The following SLA variants were observed in gnomAD, a reference collection of about 807,000 sequenced individuals.
SLA encodes the protein src-like-adapter.
In SLA, 16 loss-of-function variants were observed where a neutral mutation model predicts 30.3. The observed-to-expected ratio is 0.53, with a 90% confidence interval of 0.36 to 0.80. The LOEUF is 0.80. SLA is among the 30% of genes least tolerant of loss of function. SLA has a pLI of 0.01. For synonymous variants in SLA, 143 were observed against 137.8 expected, an observed-to-expected ratio of 1.04 and a Z score of -0.26; for missense variants, 310 against 345.2, an observed-to-expected ratio of 0.90 and a Z score of 0.81.
rs1028071498 is a variant in SLA, at chr8:133,084,333, T to C, written c.-318-9203A>G. Among the ~76,000 whole-genome samples, 14 of 152,138 alleles carry C rather than the reference T, an allele frequency of 9.2e-5. 1 individual carries two copies. The highest frequency in any genetic ancestry group is 7.9e-4 in the Admixed American group (12 of 15,270). Reference sequence around the variant, plus strand: ...ACTAGAAAGAAGCAGTCAGGGTCTTTTACAAGTTATAATGATGAAATTATT... The same window carrying C: ...ACTAGAAAGAAGCAGTCAGGGTCTTCTACAAGTTATAATGATGAAATTATT... On this transcript the variant is annotated intron_variant, in intron 1 of 8. Transcript: ENST00000338087.
chr8:133,102,541 T>C lies in SLA; in HGVS notation c.-319+12A>G. The C allele has an allele frequency of 1.3e-6, 2 of 1,551,580 alleles. No individual in the cohort carries two copies. The highest frequency in any genetic ancestry group is 1.7e-6 in the Non-Finnish European group (2 of 1,146,876). Reference sequence around the variant, plus strand: ...CCAGGGGGTCCCAATGACAGCAAAGTTAGCAACCTACCGGTGGAGCATCAG... The same window carrying C: ...CCAGGGGGTCCCAATGACAGCAAAGCTAGCAACCTACCGGTGGAGCATCAG... On this transcript the variant is annotated intron_variant, in intron 1 of 8. Transcript: ENST00000338087.
chr8:133,061,220 G>T (rs1186162955), intron 2 of SLA, among the ~76,000 whole-genome samples: 1 of 152,210 alleles, frequency 6.6e-6, no homozygotes, highest in Admixed American at 6.5e-5. Context: ...ATGTTGCCAG[G>T]CTGATCTTGG....
At chr8:133,039,843 G>C (rs878916895) in intron 8 of SLA, among the ~76,000 whole-genome samples, 155 bp downstream of exon 8, 13 of 152,116 alleles carry the variant, frequency 8.5e-5, no homozygotes, top group Non-Finnish European at 1.5e-4. Context: ...CTACACTTGT[G>C]GGGGGTGCTC....
intron 6 of SLA, among the ~76,000 whole-genome samples, chr8:133,045,719 AAC>A (rs1276756719): frequency 1.3e-5 from 2 of 152,106 alleles, no homozygotes; most frequent in Admixed American, 6.5e-5. Flanking sequence ...TTTTGAGGCA[AAC>A]ACATTTGGGG....
intron 6 of SLA, chr8:133,046,509 G>A (rs1035568560): frequency 2.6e-5 from 4 of 152,212 alleles, no homozygotes; most frequent in African/African-American, 7.2e-5. Context: ...TAAGCAGACC[G>A]AGGGTAGCAA....
intron 3 of SLA, among the ~76,000 whole-genome samples, chr8:133,057,987 T>C (rs940332188): frequency 6.6e-6 from 1 of 152,196 alleles, no homozygotes; most frequent in African/African-American, 2.4e-5. Context: ...GAGCTGGCTC[T>C]AATTGCACAT....
chr8:133,046,084 T>C (rs1274467072), intron 6 of SLA, among the ~76,000 whole-genome samples: 1 of 152,004 alleles, frequency 6.6e-6, no homozygotes, highest in African/African-American at 2.4e-5. Context: ...TTGGTAAGAG[T>C]AGAACCGCAG....
chr8:133,094,965 ATGTG>A, intron 1 of SLA: 1 of 1,589,962 alleles, frequency 6.3e-7, no homozygotes, highest in Non-Finnish European at 8.6e-7. Context: ...CAGAACCCTG[ATGTG>A]GCACTGAGGA....
chr8:133,097,803 A>G (rs1328029838), intron 1 of SLA, among the ~76,000 whole-genome samples: 2 of 152,282 alleles, frequency 1.3e-5, no homozygotes, highest in East Asian at 3.9e-4. Context: ...TACATATTAT[A>G]TATATTTATG....
chr8:133,067,779 A>G (rs553672458), intron 2 of SLA, among the ~76,000 whole-genome samples: 1 of 149,704 alleles, frequency 6.7e-6, no homozygotes, highest in African/African-American at 2.5e-5. Flanking sequence ...CTCCATCTAG[A>G]AAGAAAGAAA....
intron 2 of SLA, among the ~76,000 whole-genome samples, chr8:133,066,731 GA>G (rs1323424403): frequency 4.6e-5 from 7 of 152,196 alleles, no homozygotes; most frequent in Non-Finnish European, 8.8e-5. Flanking sequence ...TCTGAGCCTT[GA>G]TTTTCAAATC....
At chr8:133,070,355 T>C (rs933233465) in intron 2 of SLA, among the ~76,000 whole-genome samples, 1 of 99,282 alleles carries the variant, frequency 1.0e-5, no homozygotes, top group African/African-American at 3.3e-5. Context: ...TTTGGAACAG[T>C]TGCCCACAGG....
At chr8:133,047,630 G>A (rs1040915202) in intron 6 of SLA, 200 bp downstream of exon 6, 7 of 588,722 alleles carry the variant, frequency 1.2e-5, no homozygotes, top group East Asian at 2.9e-5. Flanking sequence ...GTGCCCAGCC[G>A]GCTCCCCACT....
chr8:133,047,758 G>A, intron 6 of SLA, 72 bp downstream of exon 6: 2 of 862,960 alleles, frequency 2.3e-6, no homozygotes, highest in Non-Finnish European at 2.0e-6. Flanking sequence ...ATGAAGCCGT[G>A]TAATGAGTCA....
intron 6 of SLA, chr8:133,047,603 T>G (rs113231598): frequency 1.8e-6 from 1 of 562,224 alleles, no homozygotes; most frequent in South Asian, 2.0e-5. Context: ...GGCCTGATGT[T>G]GGCCAGGCCC....
intron 1 of SLA, among the ~76,000 whole-genome samples, chr8:133,090,810 T>G (rs1847385348): frequency 6.6e-6 from 1 of 152,134 alleles, no homozygotes; most frequent in African/African-American, 2.4e-5. Flanking sequence ...GAGCTGGAAT[T>G]AAAACCCCAG....
chr8:133,045,212 C>G, intron 6 of SLA, 97 bp from the exon 7 acceptor site: 1 of 1,321,870 alleles, frequency 7.6e-7, no homozygotes. Context: ...GGAGACCTGC[C>G]CACCCTTGGG....
Position 133,092,379 on chromosome 8 carries a change from A to G in SLA, c.-319+10174T>C, listed in dbSNP as rs547093675. Among the ~76,000 whole-genome samples the G allele has an allele frequency of 3.1e-3, 476 of 152,368 alleles. 3 individuals are homozygous for G. Among genetic ancestry groups the G allele is most frequent in the African/African-American group, 0.011 (459 of 41,586 alleles). On this transcript the variant is annotated intron_variant, in intron 1 of 8. Transcript: ENST00000338087. ...TTTTAAAGTTAAAAAAACAACAGCC[A>G]GTGGAAACTCCTCGCCATTGAATAG... is the stretch of plus-strand genomic sequence containing the variant.
intron 2 of SLA, among the ~76,000 whole-genome samples, chr8:133,060,626 T>C (rs1167692089): frequency 2.0e-5 from 3 of 152,172 alleles, no homozygotes; most frequent in Non-Finnish European, 4.4e-5. Context: ...ACCAAAGGCA[T>C]GAGGAGAAGG....
Sources: allele counts gnomAD v4.1 joint callset (sites outside exome capture counted in the v4.1 genomes callset), GRCh38; gene constraint gnomAD v4.1.1; transcripts MANE v1.5; gene names NCBI Gene and HGNC (gene_info 2026-07-23, HGNC 2026-07-21).